Variants in TCF7L1 observed in about 807,000 individuals in gnomAD.
TCF7L1 encodes transcription factor 7 like 1.
TCF7L1 carries 18 observed loss-of-function variants against 63.7 expected under a neutral mutation model. That is an observed-to-expected ratio of 0.28 (90% CI 0.20 to 0.42). TCF7L1 has a LOEUF of 0.42. TCF7L1 is among the 10% of genes least tolerant of loss of function. The pLI, the probability that TCF7L1 is intolerant of heterozygous loss-of-function variation, is 1.00. For missense variants in TCF7L1, 654 were observed against 779.3 expected (o/e 0.84, Z 1.91); for synonymous variants, 355 against 340.9 (o/e 1.04, Z -0.46).
In TCF7L1 at chr2:85,287,110, C is replaced by T. The variant is rs117067975; in HGVS notation, c.525+3532C>T. Among the ~76,000 whole-genome samples the T allele has an allele frequency of 6.1e-4, 93 of 152,286 alleles. 2 individuals are homozygous for T. In the East Asian group the frequency reaches 0.013, roughly 21 times the overall value. ...GCCTGACTTCCCACACCTCTGTCAC[C>T]TCCTTTATTCTGCCACTCCACTGCA... On this transcript the variant is annotated intron_variant, in intron 4 of 11. Transcript: ENST00000282111.
intron 4 of TCF7L1, among the ~76,000 whole-genome samples, chr2:85,301,933 C>A (rs998404778): frequency 6.6e-6 from 1 of 152,146 alleles, no homozygotes. Flanking sequence ...CAAGACCAGC[C>A]TGGCCCACAT....
chr2:85,155,820 A>G (rs534259606), intron 3 of TCF7L1, among the ~76,000 whole-genome samples: 1 of 152,026 alleles, frequency 6.6e-6, no homozygotes, highest in Non-Finnish European at 1.5e-5. Context: ...ACCCCACTCT[A>G]ACATTGTTAG....
intron 3 of TCF7L1, among the ~76,000 whole-genome samples, chr2:85,252,294 T>G (rs1192194629): frequency 6.6e-6 from 1 of 152,192 alleles, no homozygotes; most frequent in African/African-American, 2.4e-5. Context: ...TAAGGAAACT[T>G]ATTTTGAAGC....
chr2:85,227,310 G>C (rs1349042627), intron 3 of TCF7L1, among the ~76,000 whole-genome samples: 4 of 152,190 alleles, frequency 2.6e-5, no homozygotes, highest in African/African-American at 9.6e-5. Context: ...TCTCCCTCAG[G>C]CCTTGGCGAC....
chr2:85,172,824 C>T (rs540020741), intron 3 of TCF7L1, among the ~76,000 whole-genome samples: 12 of 152,260 alleles, frequency 7.9e-5, no homozygotes, highest in African/African-American at 2.6e-4. Context: ...CCTCCCCTGA[C>T]CACCCTATTT....
intron 3 of TCF7L1, among the ~76,000 whole-genome samples, chr2:85,219,781 T>C (rs1681638514): frequency 6.6e-6 from 1 of 152,218 alleles, no homozygotes; most frequent in African/African-American, 2.4e-5. Flanking sequence ...TTTATAAGAA[T>C]GTTTGTAACT....
intron 3 of TCF7L1, among the ~76,000 whole-genome samples, chr2:85,212,228 C>CAG (rs773052354): frequency 2.0e-5 from 3 of 152,072 alleles, no homozygotes; most frequent in Non-Finnish European, 4.4e-5. Context: ...ACCCCTCCTG[C>CAG]AGAGCTCTGT....
chr2:85,211,545 G>A (rs1679540354), intron 3 of TCF7L1, among the ~76,000 whole-genome samples: 1 of 152,112 alleles, frequency 6.6e-6, no homozygotes, highest in South Asian at 2.1e-4. Flanking sequence ...CAGCTATGTG[G>A]GATTTCATAA....
chr2:85,196,829 G>T (rs568186698), intron 3 of TCF7L1, among the ~76,000 whole-genome samples: 1 of 152,258 alleles, frequency 6.6e-6, no homozygotes, highest in Admixed American at 6.5e-5. Context: ...TTCCTGCCTT[G>T]CTTTATGTCA....
intron 3 of TCF7L1, among the ~76,000 whole-genome samples, chr2:85,280,826 G>T (rs1189199167): frequency 6.6e-6 from 1 of 152,108 alleles, no homozygotes; most frequent in African/African-American, 2.4e-5. Context: ...GCAAGACAGA[G>T]AAGGAGAGAG....
intron 3 of TCF7L1, chr2:85,186,882 TGAG>T (rs1369461367): frequency 9.2e-5 from 14 of 152,264 alleles, no homozygotes; most frequent in African/African-American, 3.4e-4. Context: ...ACTGTACTAA[TGAG>T]GAAAGGTAAA....
intron 3 of TCF7L1, among the ~76,000 whole-genome samples, chr2:85,176,423 A>G (rs2568198): frequency 0.26 from 39,698 of 151,894 alleles, 6,126 homozygotes; most frequent in Non-Finnish European, 0.35. Context: ...CTGTTATTAG[A>G]CAGCTCCACT....
intron 3 of TCF7L1, among the ~76,000 whole-genome samples, chr2:85,182,731 C>A (rs763911323): frequency 6.6e-6 from 1 of 152,234 alleles, no homozygotes; most frequent in Non-Finnish European, 1.5e-5. Context: ...GATTTCTCTC[C>A]CCATCACGGT....
chr2:85,307,668 A>G lies in TCF7L1; in HGVS notation c.1284A>G (p.Glu428=). The change falls in exon 11 of 12, where the codon GAA becomes GAG. Residue 428 remains glutamate (E), a synonymous_variant. Transcript: ENST00000282111. ...NYGKKKKRKR[E]KQLSQTQSQQ... is the part of the protein sequence containing the mutation. ...GTAAGAAAAAGAAGAGGAAGAGAGAAAAGCAGCTGTCCCAGACACAGTCAC... is the reference window on the plus strand; with the variant it reads ...GTAAGAAAAAGAAGAGGAAGAGAGAGAAGCAGCTGTCCCAGACACAGTCAC... The G allele has an allele frequency of 6.2e-7, 1 of 1,613,852 alleles. No homozygotes were observed. Among genetic ancestry groups the G allele is most frequent in the South Asian group, 1.1e-5 (1 of 91,068 alleles).
intron 3 of TCF7L1, among the ~76,000 whole-genome samples, chr2:85,184,306 G>A (rs1678865837): frequency 6.6e-6 from 1 of 152,182 alleles, no homozygotes; most frequent in African/African-American, 2.4e-5. Flanking sequence ...CAGTGAGGCG[G>A]GGAAGAAAGG....
chr2:85,159,846 C>A (rs1341733570), intron 3 of TCF7L1, among the ~76,000 whole-genome samples: 1 of 152,210 alleles, frequency 6.6e-6, no homozygotes, highest in Non-Finnish European at 1.5e-5. Context: ...CTGGCTTTCT[C>A]GTGTGCCAGG....
chr2:85,247,840 T>C (rs1680500546), intron 3 of TCF7L1, among the ~76,000 whole-genome samples: 1 of 152,174 alleles, frequency 6.6e-6, no homozygotes, highest in Non-Finnish European at 1.5e-5. Flanking sequence ...ATCACCGTAT[T>C]TATGTGTGGG....
rs757671378 is a variant in TCF7L1, at chr2:85,309,069, C to T, written c.1374C>T (p.Tyr458=). Residue 458 remains tyrosine, a synonymous_variant, in exon 12 of 12, where the codon TAC becomes TAT. Coordinates refer to ENST00000282111, the MANE Select transcript of TCF7L1 (RefSeq NM_031283.3). ...ASKSKKPCVQ[Y]LPPEKPCDSP... ...AGAGCAAGAAGCCATGTGTTCAGTA[C>T]CTGCCCCCCGAGAAGCCCTGTGACA... 6.8e-6 allele frequency: 11 copies of T among 1,612,244 alleles called. No individual in the cohort carries two copies. The East Asian group carries it at 1.8e-4, about 26-fold the overall frequency.
Position 85,134,523 on chromosome 2 carries a change from T to G in TCF7L1, c.441+73T>G. On this transcript the variant is annotated intron_variant, in intron 3 of 11. Transcript: ENST00000282111. The surrounding 1 kb of genome is among the most constrained non-coding windows in gnomAD (Gnocchi z 5.0). ...CAGGATGCGCCCCCGGGCTTGGCCA[T>G]GGAGTGGGGGATGGGGCCTTCTGCG... 4.0e-6 allele frequency: 6 copies of G among 1,509,518 alleles called. No individual in the cohort carries two copies. Among genetic ancestry groups the G allele is most frequent in the Non-Finnish European group, 2.7e-6 (3 of 1,126,732 alleles). 93.5% of individuals were successfully genotyped at this position (1,509,518 alleles called of 1,614,324 possible). A position where few individuals can be genotyped will look rare whatever the true frequency, so the allele number is the denominator to read the frequency against.
Sources: allele counts gnomAD v4.1 joint callset (sites outside exome capture counted in the v4.1 genomes callset), GRCh38; gene constraint gnomAD v4.1.1; non-coding constraint Gnocchi (gnomAD v3.1); transcripts MANE v1.5; gene names NCBI Gene and HGNC (gene_info 2026-07-23, HGNC 2026-07-21).